GYS2: variants seen among roughly 807,000 people sequenced by gnomAD.
GYS2 encodes the protein glycogen [starch] synthase, liver.
Under a neutral mutation model 85.6 loss-of-function variants are expected in GYS2, and 80 were observed. The ratio of observed to expected loss-of-function variants is 0.93; its 90% CI spans 0.78 to 1.13. The LOEUF (loss-of-function observed/expected upper bound fraction) is 1.13, where lower values mean the gene tolerates loss of function less well. GYS2 is among the 50% of genes most tolerant of loss of function. The probability of loss-of-function intolerance (pLI) is 0.00; values close to 1 mark genes in which losing one functional copy is unlikely to be tolerated. For synonymous variants in GYS2, 328 were observed against 300.7 expected, an observed-to-expected ratio of 1.09 and a Z score of -0.94; for missense variants, 881 against 854.9, an observed-to-expected ratio of 1.03 and a Z score of -0.38.
intron 8 of GYS2, among the ~76,000 whole-genome samples, chr12:21,560,063 A>G (rs1324753118): frequency 6.6e-6 from 1 of 152,154 alleles, no homozygotes; most frequent in Non-Finnish European, 1.5e-5. Flanking sequence ...GTATACAGGG[A>G]GTCATATTAC....
chr12:21,554,135 G>A (rs900152657), intron 11 of GYS2, among the ~76,000 whole-genome samples: 1 of 151,488 alleles, frequency 6.6e-6, no homozygotes, highest in South Asian at 2.1e-4. Context: ...AAGGAAGGAA[G>A]GAAGCGAGGA....
chr12:21,552,275 C>G lies in GYS2; in HGVS notation c.1423-5805G>C, dbSNP rs186750315. 2.1e-3 allele frequency among the ~76,000 whole-genome samples: 314 copies of G among 152,312 alleles called. 2 individuals carry two copies. The highest frequency in any genetic ancestry group is 2.1e-3 in the Non-Finnish European group (145 of 68,030). On this transcript the variant is annotated intron_variant, in intron 11 of 15. Coordinates refer to ENST00000261195, the MANE Select transcript of GYS2 (RefSeq NM_021957.4). ...TTAGTTTATTTTTACACCGTGGCAG[C>G]CCAGAGCTGAGACATGAAATCTTCA...
At chr12:21,581,392 C>T (rs1209337828) in intron 1 of GYS2, among the ~76,000 whole-genome samples, 10 of 152,134 alleles carry the variant, frequency 6.6e-5, no homozygotes, top group African/African-American at 2.4e-4. Flanking sequence ...AAATCCCTGT[C>T]CTGTTCTGTT....
chr12:21,571,634 T>C (rs1944386251), intron 4 of GYS2, among the ~76,000 whole-genome samples: 1 of 152,062 alleles, frequency 6.6e-6, no homozygotes, highest in South Asian at 2.1e-4. Flanking sequence ...AACGGCACTG[T>C]CCTCAGATTT....
chr12:21,578,714 CT>C (rs1287350396), intron 2 of GYS2, among the ~76,000 whole-genome samples: 1 of 151,954 alleles, frequency 6.6e-6, no homozygotes, highest in African/African-American at 2.4e-5. Flanking sequence ...TCTTTTTTTC[CT>C]TTTTTGAGTG....
intron 1 of GYS2, among the ~76,000 whole-genome samples, chr12:21,581,161 T>C (rs1944505057): frequency 6.6e-6 from 1 of 152,204 alleles, no homozygotes; most frequent in Non-Finnish European, 1.5e-5. Flanking sequence ...CATTCTCACA[T>C]GGTATTTCTC....
rs1591777605 is a variant in GYS2, at chr12:21,542,601, G to A, written c.1550-10C>T. ...ATCACAGTGCATTCAGCTGCCAGGG[G>A]AAATAGACCAAAGCTTGGCTTCAGA... is the stretch of plus-strand genomic sequence containing the variant. On this transcript the variant is annotated splice_polypyrimidine_tract_variant and intron_variant, in intron 12 of 15. Transcript: ENST00000261195. 6.3e-7 allele frequency: 1 copy of A among 1,589,664 alleles called. No homozygotes were observed. The highest frequency in any genetic ancestry group is 8.6e-7 in the Non-Finnish European group (1 of 1,157,736).
At chr12:21,603,122 A>C (rs931634068) in intron 1 of GYS2, among the ~76,000 whole-genome samples, 17 of 152,142 alleles carry the variant, frequency 1.1e-4, no homozygotes, top group Non-Finnish European at 2.2e-4. Flanking sequence ...AAAGGACATT[A>C]AAAACACATG....
chr12:21,561,105 C>T (rs957915975), intron 7 of GYS2, among the ~76,000 whole-genome samples: 3 of 152,146 alleles, frequency 2.0e-5, no homozygotes, highest in Non-Finnish European at 4.4e-5. Context: ...ATAGCAGACA[C>T]TGTGCTGGGT....
At chr12:21,594,703 A>G (rs947965266) in intron 1 of GYS2, among the ~76,000 whole-genome samples, 1 of 152,194 alleles carries the variant, frequency 6.6e-6, no homozygotes, top group Non-Finnish European at 1.5e-5. Flanking sequence ...TATGACCGCT[A>G]TCAAAATAGC....
chr12:21,600,710 C>T (rs1195735047), intron 1 of GYS2, among the ~76,000 whole-genome samples: 1 of 152,062 alleles, frequency 6.6e-6, no homozygotes, highest in Non-Finnish European at 1.5e-5. Context: ...TATACGTGCA[C>T]CTAATTTTTA....
intron 5 of GYS2, among the ~76,000 whole-genome samples, chr12:21,564,435 GA>G (rs10717515): frequency 0.73 from 108,868 of 149,568 alleles, 39,575 homozygotes; most frequent in South Asian, 0.79. Context: ...CATCTCAAAA[GA>G]AAAAAAAAAA....
At chr12:21,593,863 A>G (rs890661244) in intron 1 of GYS2, among the ~76,000 whole-genome samples, 4 of 152,170 alleles carry the variant, frequency 2.6e-5, no homozygotes, top group African/African-American at 7.2e-5. Context: ...AAAATCCTCA[A>G]CAAAATACTA....
At chr12:21,533,950 G>T (rs1438644467), downstream of GYS2, among the ~76,000 whole-genome samples, 1 of 152,146 alleles carries the variant, frequency 6.6e-6, no homozygotes, top group Non-Finnish European at 1.5e-5. Flanking sequence ...TGGTGGAAAG[G>T]GCAAGGCAGC....
intron 4 of GYS2, among the ~76,000 whole-genome samples, chr12:21,569,719 A>C (rs6487241): frequency 0.76 from 114,928 of 152,102 alleles, 43,656 homozygotes; most frequent in South Asian, 0.8. Context: ...GTGTCTAAGA[A>C]AAAAAGAATA....
At chr12:21,566,709 G>A (rs952001648) in intron 5 of GYS2, among the ~76,000 whole-genome samples, 1 of 152,082 alleles carries the variant, frequency 6.6e-6, no homozygotes, top group Non-Finnish European at 1.5e-5. Context: ...TTCTAGATAA[G>A]AGAAAGGATT....
At chr12:21,601,800 C>T (rs561636442) in intron 1 of GYS2, among the ~76,000 whole-genome samples, 11 of 152,198 alleles carry the variant, frequency 7.2e-5, no homozygotes, top group Admixed American at 2.6e-4. Context: ...CTATCTCCCT[C>T]GCCTCTCAGT....
intron 1 of GYS2, among the ~76,000 whole-genome samples, chr12:21,603,147 A>G (rs1815978029): frequency 6.6e-6 from 1 of 152,158 alleles, no homozygotes; most frequent in South Asian, 2.1e-4. Context: ...TTTCAGGATA[A>G]AGATCTCTGA....
chr12:21,564,167 AG>A (rs1944290136), intron 5 of GYS2, among the ~76,000 whole-genome samples: 1 of 152,334 alleles, frequency 6.6e-6, no homozygotes, highest in Admixed American at 6.5e-5. Context: ...ACAAGAAAAA[AG>A]AAGCTATGTT....
Sources: allele counts gnomAD v4.1 joint callset (sites outside exome capture counted in the v4.1 genomes callset), GRCh38; gene constraint gnomAD v4.1.1; transcripts MANE v1.5; gene names NCBI Gene and HGNC (gene_info 2026-07-23, HGNC 2026-07-21).